The following AKT3 variants were observed in gnomAD, a reference collection of about 807,000 sequenced individuals.
AKT3 encodes the protein RAC-gamma serine/threonine-protein kinase.
Under a neutral mutation model 65.3 loss-of-function variants are expected in AKT3, and 15 were observed. That is an observed-to-expected ratio of 0.23 (90% confidence interval 0.15 to 0.35). AKT3 has a LOEUF of 0.35. Among genes scored for constraint, AKT3 ranks in the 10% least tolerant of loss-of-function variants. The probability of loss-of-function intolerance (pLI) is 1.00; values close to 1 mark genes in which losing one functional copy is unlikely to be tolerated. For synonymous variants in AKT3, 206 were observed against 183.8 expected (o/e 1.12, Z -0.98); for missense variants, 243 against 576.5 (o/e 0.42, Z 5.92).
chr1:243,792,607 A>G (rs1460373034), intron 2 of AKT3, among the ~76,000 whole-genome samples: 1 of 152,166 alleles, frequency 6.6e-6, no homozygotes, highest in African/African-American at 2.4e-5. Flanking sequence ...TCATCCTAGG[A>G]GTAGGAATGC....
At chr1:243,777,339 A>G (rs1459699584) in intron 2 of AKT3, among the ~76,000 whole-genome samples, 4 of 152,192 alleles carry the variant, frequency 2.6e-5, no homozygotes, top group Non-Finnish European at 1.5e-5. Flanking sequence ...GTGGTAATGC[A>G]CACCTCCTGC....
intron 13 of AKT3, among the ~76,000 whole-genome samples, chr1:243,509,065 T>C (rs1669859710): frequency 6.6e-6 from 1 of 152,188 alleles, no homozygotes; most frequent in South Asian, 2.1e-4. Flanking sequence ...GGTATCTCTG[T>C]CTCAATCTAG....
intron 8 of AKT3, among the ~76,000 whole-genome samples, chr1:243,608,645 A>G (rs1301167350): frequency 6.6e-6 from 1 of 151,680 alleles, no homozygotes; most frequent in East Asian, 1.9e-4. Context: ...TGCTAGTGTG[A>G]ATTGTTTACG....
chr1:243,843,970 A>G (rs1225174643), intron 1 of AKT3, among the ~76,000 whole-genome samples: 2 of 152,162 alleles, frequency 1.3e-5, no homozygotes, highest in Non-Finnish European at 2.9e-5. Flanking sequence ...TAAGTGATAT[A>G]AAATACAACG....
chr1:243,706,272 A>G (rs1198551864), intron 2 of AKT3, among the ~76,000 whole-genome samples: 2 of 152,148 alleles, frequency 1.3e-5, no homozygotes, highest in African/African-American at 2.4e-5. Flanking sequence ...CTATAACACA[A>G]CCTCGTATGG....
chr1:243,818,149 C>A (rs1282053558), intron 2 of AKT3: 14 of 152,220 alleles, frequency 9.2e-5, no homozygotes, highest in Non-Finnish European at 2.9e-5. Flanking sequence ...TGCACTTCCA[C>A]AGCACTTTAT....
At chr1:243,764,540 T>A (rs1558789770) in intron 2 of AKT3, among the ~76,000 whole-genome samples, 1 of 152,100 alleles carries the variant, frequency 6.6e-6, no homozygotes, top group African/African-American at 2.4e-5. Context: ...TTCACTAAAA[T>A]TTATTTCAGT....
At chr1:243,682,403 G>A (rs1403302198) in intron 3 of AKT3, among the ~76,000 whole-genome samples, 1 of 152,058 alleles carries the variant, frequency 6.6e-6, no homozygotes, top group African/African-American at 2.4e-5. Flanking sequence ...AACTCTGTAG[G>A]TAGGATTTTA....
At chr1:243,524,320 C>T (rs1306473486) in intron 12 of AKT3, among the ~76,000 whole-genome samples, 1 of 152,208 alleles carries the variant, frequency 6.6e-6, no homozygotes, top group Non-Finnish European at 1.5e-5. Context: ...TGCCAAACAC[C>T]AAGCACCAGC....
downstream of AKT3, among the ~76,000 whole-genome samples, chr1:243,496,778 C>T (rs1245757030): frequency 1.3e-5 from 2 of 152,258 alleles, no homozygotes; most frequent in African/African-American, 4.8e-5. Flanking sequence ...TGATTTCTTA[C>T]ACTCAGAACT....
At chr1:243,667,188 CTA>C (rs1454908426) in intron 3 of AKT3, among the ~76,000 whole-genome samples, 1 of 152,194 alleles carries the variant, frequency 6.6e-6, no homozygotes, top group Non-Finnish European at 1.5e-5. Flanking sequence ...TTTTCCACTG[CTA>C]TAATTCTACT....
chr1:243,835,267 C>T (rs1694821600), intron 2 of AKT3, among the ~76,000 whole-genome samples: 1 of 152,078 alleles, frequency 6.6e-6, no homozygotes, highest in Non-Finnish European at 1.5e-5. Flanking sequence ...GCCAAATGTC[C>T]TCTGGGGACC....
chr1:243,718,626 A>G (rs1686672097), intron 2 of AKT3, among the ~76,000 whole-genome samples: 1 of 134,318 alleles, frequency 7.4e-6, no homozygotes, highest in Admixed American at 8.2e-5. Context: ...CCACGCCTGG[A>G]TAATTTTCTT....
chr1:243,767,482 A>C (rs1405251884), intron 2 of AKT3, among the ~76,000 whole-genome samples: 1 of 152,204 alleles, frequency 6.6e-6, no homozygotes, highest in African/African-American at 2.4e-5. Flanking sequence ...TTATAAACAT[A>C]CCTAATATTT....
At chr1:243,826,732 G>C (rs1488416188) in intron 2 of AKT3, among the ~76,000 whole-genome samples, 1 of 152,136 alleles carries the variant, frequency 6.6e-6, no homozygotes, top group African/African-American at 2.4e-5. Flanking sequence ...ATACCCTTAA[G>C]TGGAAAAAAA....
At chr1:243,775,093 A>G (rs1278683942) in intron 2 of AKT3, among the ~76,000 whole-genome samples, 1 of 151,814 alleles carries the variant, frequency 6.6e-6, no homozygotes, top group African/African-American at 2.4e-5. Context: ...ACACTTCTGA[A>G]CTCAAGCAAT....
chr1:243,760,943 A>C (rs1214591376), intron 2 of AKT3, among the ~76,000 whole-genome samples: 1 of 152,260 alleles, frequency 6.6e-6, no homozygotes, highest in Non-Finnish European at 1.5e-5. Flanking sequence ...ACAGAAACAC[A>C]CATAAAACCA....
intron 10 of AKT3, 58 bp downstream of exon 10, chr1:243,563,662 T>C: frequency 1.3e-6 from 2 of 1,535,426 alleles, no homozygotes; most frequent in Non-Finnish European, 1.7e-6. Flanking sequence ...GCTTAAATGG[T>C]TTACTTTGCA....
At chr1:243,606,787 A>C (rs1375602671) in intron 8 of AKT3, among the ~76,000 whole-genome samples, 1 of 152,214 alleles carries the variant, frequency 6.6e-6, no homozygotes, top group Non-Finnish European at 1.5e-5. Context: ...TAGGAGGGAA[A>C]AACAGTTTTG....
Sources: gnomAD v4.1 joint callset for allele counts (sites outside exome capture counted in the v4.1 genomes callset) on GRCh38, gnomAD v4.1.1 for gene constraint, MANE v1.5 for transcripts, NCBI Gene and HGNC (gene_info 2026-07-23, HGNC 2026-07-21) for gene names.